Variants in PIEZO1 observed in about 807,000 individuals in gnomAD.
PIEZO1 encodes the protein piezo type mechanosensitive ion channel component 1 (Er blood group).
Under a neutral mutation model 297.2 loss-of-function variants are expected in PIEZO1, and 296 were observed. That is an observed-to-expected ratio of 1.00 (90% confidence interval 0.91 to 1.10). The LOEUF (loss-of-function observed/expected upper bound fraction) is 1.10. PIEZO1 is among the 50% of genes least tolerant of loss of function. PIEZO1 has a pLI of 0.00. For missense variants in PIEZO1, 5,018 were observed against 3,455.5 expected (o/e 1.45, Z -11.34); for synonymous variants, 2,427 against 1,507.5 (o/e 1.61, Z -14.13).
At chr16:88,753,874 C>G (rs1268797621) in intron 1 of PIEZO1, among the ~76,000 whole-genome samples, 1 of 152,204 alleles carries the variant, frequency 6.6e-6, no homozygotes, top group Admixed American at 6.5e-5. Context: ...GGAAGCTTCG[C>G]AGATCAGGCT....
Position 88,726,901 on chromosome 16 carries a change from C to G in PIEZO1, c.3513G>C (p.Leu1171=). 1 of 1,550,434 alleles carries G rather than the reference C, an allele frequency of 6.4e-7. No individual in the cohort carries two copies. Among genetic ancestry groups the G allele is most frequent in the Admixed American group, 2.0e-5 (1 of 51,014 alleles). ...AVFRYLFWLV[L]VVVFVTGATR... ...TGGCCCCCGTGACAAACACCACCAC[C>G]AGCACCAGCCAGAACAGGTATCGGA... is the stretch of plus-strand genomic sequence containing the variant. Residue 1171 remains leucine (L), a synonymous_variant, in exon 25 of 51, where the codon CTG becomes CTC. Transcript: ENST00000301015.
rs538919590 is a variant in PIEZO1, at chr16:88,743,698, C to T, written c.161-1276G>A. On this transcript the variant is annotated intron_variant, in intron 2 of 50. Coordinates refer to ENST00000301015, the MANE Select transcript of PIEZO1 (RefSeq NM_001142864.4). ...CATGACCCACGTCCAAGTCACCCTG[C>T]ACATCCCTAAGCCTGACCGTGAAGC... The T allele has an allele frequency of 3.5e-5, 16 of 455,782 alleles. No homozygotes were observed. In the East Asian group the frequency reaches 9.7e-4, roughly 28 times the overall value. 28.2% of individuals were successfully genotyped at this position (455,782 alleles called of 1,614,324 possible).
intron 1 of PIEZO1, among the ~76,000 whole-genome samples, chr16:88,759,211 A>G (rs1395540145): frequency 1.3e-5 from 2 of 152,246 alleles, no homozygotes; most frequent in African/African-American, 4.8e-5. Context: ...CAGTCGTCTG[A>G]GTCCCCAGAG....
Position 88,726,777 on chromosome 16 carries a change from C to G in PIEZO1, c.3637G>C (p.Val1213Leu), listed in dbSNP as rs775972701. 1.4e-5 allele frequency: 22 copies of G among 1,550,194 alleles called. No individual in the cohort carries two copies. The highest frequency in any genetic ancestry group is 4.1e-5 in the African/African-American group (3 of 73,144). Residue 1213 changes from valine to leucine, a missense_variant, in exon 25 of 51, where the codon GTG becomes CTG. Transcript: ENST00000301015. ...TACAGAATGAGGCAGTCCCACAGCA[C>G]GAGGCGGGCCCGTGTGTCCCTCTGC... ...LLQRDTRARL[V>L]LWDCLILYNV...
intron 1 of PIEZO1, among the ~76,000 whole-genome samples, chr16:88,784,002 C>G (rs2142918041): frequency 6.6e-6 from 1 of 152,392 alleles, no homozygotes; most frequent in Non-Finnish European, 1.5e-5. Flanking sequence ...CCGACTGCTT[C>G]CCAGATCAAT....
chr16:88,731,974 C>T (rs985257623), intron 21 of PIEZO1, 64 bp from the exon 22 acceptor site: 1 of 7,866 alleles, frequency 1.3e-4, no homozygotes, highest in Non-Finnish European at 1.9e-4. Context: ...CTTTCTTGTC[C>T]CACCCAGCAG....
intron 1 of PIEZO1, among the ~76,000 whole-genome samples, chr16:88,782,710 G>C (rs1288201920): frequency 6.6e-6 from 1 of 152,246 alleles, no homozygotes; most frequent in African/African-American, 2.4e-5. Context: ...GCTCGCCAGA[G>C]AGGGAGGGGG....
chr16:88,766,708 A>G (rs78465403), intron 1 of PIEZO1, among the ~76,000 whole-genome samples: 12,108 of 152,298 alleles, frequency 0.08, 692 homozygotes, highest in Non-Finnish European at 0.13. Flanking sequence ...CAACCAAGGG[A>G]AAAAAATCAA....
Position 88,715,641 on chromosome 16 carries a change from C to G in PIEZO1, c.7530G>C (p.Pro2510=). 6.5e-7 allele frequency: 1 copy of G among 1,550,234 alleles called. No homozygotes were observed. ...YAKLIFLYRS[P]ETMIKWTREK... is the part of the protein sequence containing the mutation. ...CACGAGTCCACTTGATCATGGTCTC[C>G]GGTGAGCGGTAGAGGAAGATGAGCT... Residue 2510 remains proline, a synonymous_variant, in exon 51 of 51, where the codon CCG becomes CCC. Transcript: ENST00000301015.
chr16:88,744,846 G>C (rs896554212), intron 2 of PIEZO1, among the ~76,000 whole-genome samples: 3 of 151,910 alleles, frequency 2.0e-5, no homozygotes, highest in East Asian at 3.9e-4. Flanking sequence ...CTGAGAGTCC[G>C]AGGGGCACCC....
In PIEZO1 at chr16:88,721,957, G is replaced by C. The variant is rs2142766761; in HGVS notation, c.5065C>G (p.Leu1689Val). Residue 1689 changes from leucine to valine, a missense_variant, in exon 37 of 51, where the codon CTG becomes GTG. By Grantham distance (32) the Leu-to-Val change is conservative. Coordinates refer to ENST00000301015, the MANE Select transcript of PIEZO1 (RefSeq NM_001142864.4). ...AGGATGATGATGAAGTAGCAGAGCA[G>C]CTCCGAGTGGGCGGCCACACACTGG... ...VYQCVAAHSE[L>V]LCYFIIILNH... The C allele has an allele frequency of 6.5e-7, 1 of 1,550,114 alleles. No homozygotes were observed. Among genetic ancestry groups the C allele is most frequent in the East Asian group, 2.4e-5 (1 of 40,918 alleles).
chr16:88,728,019 C>T (rs556827809), intron 22 of PIEZO1, among the ~76,000 whole-genome samples: 1 of 152,244 alleles, frequency 6.6e-6, no homozygotes, highest in African/African-American at 2.4e-5. Flanking sequence ...CGGACGCCTG[C>T]AGCCAGGAAA....
At chr16:88,726,685 G>A (rs1904463073) in intron 25 of PIEZO1, 30 bp downstream of exon 25, 2 of 1,545,368 alleles carry the variant, frequency 1.3e-6, no homozygotes, top group African/African-American at 1.4e-5. Context: ...GGGCCCCAGG[G>A]CGGTGGGTGC....
At position 88,736,403 on chromosome 16, in the gene PIEZO1, C is replaced by G. The variant is rs1230418584; in HGVS notation, c.1302G>C (p.Trp434Cys). ...TCAGCCAGCTGTGGTAGGTGATGCT[C>G]CATACCTGCGCGGCAGAGAGGGCTG... ...YVCALIAMMVWSITYHSWLTF... is the reference protein window; with the variant it reads ...YVCALIAMMVCSITYHSWLTF... The change falls in exon 12 of 51, where the codon TGG becomes TGC. Residue 434 changes from tryptophan (W) to cysteine (C), a missense_variant. By Grantham distance (215) the Trp-to-Cys change is radical. Coordinates refer to ENST00000301015, the MANE Select transcript of PIEZO1 (RefSeq NM_001142864.4). 3 of 1,547,290 alleles carry G rather than the reference C, an allele frequency of 1.9e-6. No individual in the cohort carries two copies. Among genetic ancestry groups the G allele is most frequent in the East Asian group, 4.9e-5 (2 of 40,846 alleles).
At position 88,776,713 on chromosome 16, in the gene PIEZO1, A is replaced by G. The variant is rs559280184; in HGVS notation, c.64+8188T>C. ...TTCAGCAGACGGGAGTGACCGCAGA[A>G]GGGCCAGGGCTTGGGGACAGGACTG... On this transcript the variant is annotated intron_variant, in intron 1 of 50. Transcript: ENST00000301015. Among the ~76,000 whole-genome samples the G allele has an allele frequency of 3.0e-4, 45 of 152,286 alleles. No homozygotes were observed. In the East Asian group the frequency reaches 8.1e-3, roughly 27 times the overall value.
Position 88,725,520 on chromosome 16 carries a change from C to A in PIEZO1, c.4059-1G>T. On this transcript the variant is annotated splice_acceptor_variant, in intron 28 of 50. Coordinates refer to ENST00000301015, the MANE Select transcript of PIEZO1 (RefSeq NM_001142864.4). LOFTEE classifies it high-confidence loss of function. ...CTGCTTGGCACGGATACGCTCCATC[C>A]TGTGGTGGGGAAAGGTGGGGTATGC... The A allele has an allele frequency of 6.5e-7, 1 of 1,538,156 alleles. No homozygotes were observed. Among genetic ancestry groups the A allele is most frequent in the Non-Finnish European group, 8.8e-7 (1 of 1,139,448 alleles).
In PIEZO1 at chr16:88,722,323, G is replaced by A. The variant is rs906425217; in HGVS notation, c.4850C>T (p.Thr1617Met). 4.1e-5 allele frequency: 63 copies of A among 1,545,586 alleles called. No individual in the cohort carries two copies. Among genetic ancestry groups the A allele is most frequent in the African/African-American group, 8.2e-5 (6 of 72,972 alleles). The change falls in exon 36 of 51, where the codon ACG (threonine) becomes ATG (methionine). Residue 1617 changes from threonine (T) to methionine (M), a missense_variant. Coordinates refer to ENST00000301015, the MANE Select transcript of PIEZO1 (RefSeq NM_001142864.4). Reference sequence around the variant, plus strand: ...GACTGCCTCCTCACTGCCACTGCGCGTGTGGTAGCCGGTGCTCAGGGGGCT... The same window carrying A: ...GACTGCCTCCTCACTGCCACTGCGCATGTGGTAGCCGGTGCTCAGGGGGCT... ...MGSPLSTGYH[T>M]RSGSEEAVTD...
chr16:88,738,877 G>T, intron 5 of PIEZO1, 141 bp from the exon 6 acceptor site: 1 of 721,224 alleles, frequency 1.4e-6, no homozygotes, highest in Non-Finnish European at 2.3e-6. Context: ...GCCTCCCCGG[G>T]CACAGGCCCC....
At position 88,738,547 on chromosome 16, in the gene PIEZO1, GCC is replaced by G; in HGVS notation, c.634+19_634+20del. On this transcript the variant is annotated intron_variant, in intron 6 of 50. Transcript: ENST00000301015. ...GACCCCTCCCAGTGTGACTGCCAGTGCCCCCTGCCTCGGTGCGTACCTGCCAG... is the reference window on the plus strand; with the variant it reads ...GACCCCTCCCAGTGTGACTGCCAGTGCCCTGCCTCGGTGCGTACCTGCCAG... 1 of 1,531,182 alleles carries G rather than the reference GCC, an allele frequency of 6.5e-7. No homozygotes were observed. The highest frequency in any genetic ancestry group is 2.5e-5 in the East Asian group (1 of 40,782). 94.8% of individuals were successfully genotyped at this position (1,531,182 alleles called of 1,614,324 possible).
Sources: gnomAD v4.1 joint callset for allele counts (sites outside exome capture counted in the v4.1 genomes callset) on GRCh38, gnomAD v4.1.1 for gene constraint, MANE v1.5 for transcripts, NCBI Gene and HGNC (gene_info 2026-07-23, HGNC 2026-07-21) for gene names.